Variants in L3MBTL4 observed in about 807,000 individuals in gnomAD.
The protein encoded by L3MBTL4 is L3MBTL histone methyl-lysine binding protein 4.
L3MBTL4 carries 70 observed loss-of-function variants against 84.5 expected under a neutral mutation model. The ratio of observed to expected loss-of-function variants is 0.83; its 90% CI spans 0.68 to 1.01. The LOEUF is 1.01. Among genes scored for constraint, L3MBTL4 ranks in the 50% least tolerant of loss-of-function variants. The pLI is 0.00. For missense variants in L3MBTL4, 715 were observed against 754.8 expected, an observed-to-expected ratio of 0.95 and a Z score of 0.62; for synonymous variants, 274 against 259.8, an observed-to-expected ratio of 1.05 and a Z score of -0.52.
At chr18:6,138,856 T>A (rs554373767) in intron 13 of L3MBTL4, among the ~76,000 whole-genome samples, 1 of 152,138 alleles carries the variant, frequency 6.6e-6, no homozygotes, top group Non-Finnish European at 1.5e-5. Flanking sequence ...AAAATAGATA[T>A]GAGAACATTC....
chr18:6,018,734 A>C (rs932508642), intron 16 of L3MBTL4, among the ~76,000 whole-genome samples: 3 of 152,202 alleles, frequency 2.0e-5, no homozygotes, highest in African/African-American at 4.8e-5. Flanking sequence ...CAACTGGATA[A>C]TTTTTAGGAA....
intron 1 of L3MBTL4, among the ~76,000 whole-genome samples, chr18:6,327,174 G>A (rs2051769796): frequency 6.6e-6 from 1 of 152,168 alleles, no homozygotes. Context: ...TCCTGCTGAG[G>A]AGGTGAAAAT....
chr18:6,264,146 G>A, intron 4 of L3MBTL4, 108 bp from the exon 5 acceptor site: 1 of 774,256 alleles, frequency 1.3e-6, no homozygotes, highest in Non-Finnish European at 2.2e-6. Flanking sequence ...TAAATTGGTA[G>A]TTGAAAGACC....
chr18:6,310,506 A>G (rs983483469), intron 3 of L3MBTL4, among the ~76,000 whole-genome samples: 1 of 152,216 alleles, frequency 6.6e-6, no homozygotes, highest in Non-Finnish European at 1.5e-5. Context: ...TAATGTCTGG[A>G]GTTCATCAAA....
At chr18:5,967,495 CTTT>C (rs1293258571) in intron 17 of L3MBTL4, among the ~76,000 whole-genome samples, 1 of 152,252 alleles carries the variant, frequency 6.6e-6, no homozygotes, top group Non-Finnish European at 1.5e-5. Flanking sequence ...GGCTTCCCTT[CTTT>C]GTTTCTGATT....
intron 5 of L3MBTL4, among the ~76,000 whole-genome samples, chr18:6,257,873 C>T (rs531481666): frequency 1.3e-5 from 2 of 152,086 alleles, no homozygotes; most frequent in East Asian, 3.9e-4. Context: ...CTCTAACTCC[C>T]AACCTCAGGT....
At chr18:6,231,519 C>G (rs185057474) in intron 10 of L3MBTL4, among the ~76,000 whole-genome samples, 16 of 151,216 alleles carry the variant, frequency 1.1e-4, no homozygotes, top group Admixed American at 9.9e-4. Flanking sequence ...GATGCCTTAA[C>G]AATATCACAT....
chr18:5,964,491 A>G (rs1157078255), intron 17 of L3MBTL4, among the ~76,000 whole-genome samples: 1 of 151,890 alleles, frequency 6.6e-6, no homozygotes, highest in Non-Finnish European at 1.5e-5. Context: ...CTTATTCTTT[A>G]ACAGCAGAGT....
chr18:6,006,938 G>A (rs2054515905), intron 16 of L3MBTL4, among the ~76,000 whole-genome samples: 1 of 152,040 alleles, frequency 6.6e-6, no homozygotes, highest in Non-Finnish European at 1.5e-5. Flanking sequence ...GATATTACAG[G>A]ATAAATTCCA....
chr18:6,023,752 C>T (rs1296226489), intron 16 of L3MBTL4, among the ~76,000 whole-genome samples: 3 of 152,162 alleles, frequency 2.0e-5, no homozygotes, highest in African/African-American at 7.2e-5. Flanking sequence ...TCACACCTCA[C>T]CTGTCTTCAG....
At chr18:6,404,153 G>T (rs2055625071) in intron 1 of L3MBTL4, among the ~76,000 whole-genome samples, 1 of 152,154 alleles carries the variant, frequency 6.6e-6, no homozygotes, top group Non-Finnish European at 1.5e-5. Flanking sequence ...AGTGTACACT[G>T]CTCAGGTGAT....
At chr18:6,104,109 A>G (rs940392617) in intron 14 of L3MBTL4, among the ~76,000 whole-genome samples, 4 of 152,208 alleles carry the variant, frequency 2.6e-5, no homozygotes, top group African/African-American at 4.8e-5. Context: ...TGAGGATGTG[A>G]AAAAACTGGA....
Position 6,207,853 on chromosome 18 carries a change from C to T in L3MBTL4, c.981+5296G>A, listed in dbSNP as rs1014251125. Among the ~76,000 whole-genome samples the T allele has an allele frequency of 3.3e-5, 5 of 152,000 alleles. No homozygotes were observed. In the South Asian group the frequency reaches 8.3e-4, roughly 25 times the overall value. The stretch of plus-strand genomic sequence containing the variant: ...AGGTGCGACGTCTCACACCTATAAT[C>T]CCAGAACTTTGGGAGCCGAGGCAGG... On this transcript the variant is annotated intron_variant, in intron 12 of 18. Transcript: ENST00000317931.
chr18:6,315,120 G>A (rs903168733), intron 1 of L3MBTL4, among the ~76,000 whole-genome samples: 11 of 152,194 alleles, frequency 7.2e-5, no homozygotes, highest in Non-Finnish European at 1.3e-4. Context: ...GGTGTTCACA[G>A]GAGGGACACT....
At chr18:6,029,678 T>C (rs2055685859) in intron 16 of L3MBTL4, 46 of 985,326 alleles carry the variant, frequency 4.7e-5, no homozygotes, top group Non-Finnish European at 5.2e-5. Flanking sequence ...TGGGAACAGC[T>C]TACTATGGTC....
intron 1 of L3MBTL4, among the ~76,000 whole-genome samples, chr18:6,390,007 A>G (rs2054980012): frequency 5.3e-5 from 8 of 152,134 alleles, no homozygotes; most frequent in Admixed American, 5.2e-4. Context: ...ATTCTTCTCA[A>G]CAGCACATGG....
chr18:6,360,314 TG>T (rs2143989836), intron 1 of L3MBTL4, among the ~76,000 whole-genome samples: 1 of 152,304 alleles, frequency 6.6e-6, no homozygotes, highest in Non-Finnish European at 1.5e-5. Context: ...TAGGCTGCAG[TG>T]AGCTATGACT....
At chr18:6,079,803 T>C (rs1387797718) in intron 16 of L3MBTL4, 1 of 152,236 alleles carries the variant, frequency 6.6e-6, no homozygotes, top group East Asian at 1.9e-4. Context: ...TGGAACAGTT[T>C]CTAAAATATC....
intron 16 of L3MBTL4, among the ~76,000 whole-genome samples, chr18:6,023,502 A>G (rs1324118853): frequency 2.6e-5 from 4 of 152,220 alleles, no homozygotes; most frequent in Non-Finnish European, 4.4e-5. Flanking sequence ...TTAGCTTTCT[A>G]TGAAATGAGA....
Sources: allele counts gnomAD v4.1 joint callset (sites outside exome capture counted in the v4.1 genomes callset), GRCh38; gene constraint gnomAD v4.1.1; transcripts MANE v1.5; gene names NCBI Gene and HGNC (gene_info 2026-07-23, HGNC 2026-07-21).